The following KIAA1328 variants were observed in gnomAD, a reference collection of about 807,000 sequenced individuals.
KIAA1328 encodes protein hinderin.
Under a neutral mutation model 68.1 loss-of-function variants are expected in KIAA1328, and 52 were observed. That is an observed-to-expected ratio of 0.76 (90% CI 0.61 to 0.96). The LOEUF (loss-of-function observed/expected upper bound fraction) is 0.96, where lower values mean the gene tolerates loss of function less well. Ranked by LOEUF, KIAA1328 falls within the 40% of genes least tolerant of loss-of-function variation. The probability of loss-of-function intolerance (pLI) is 0.00; values close to 1 mark genes in which losing one functional copy is unlikely to be tolerated. For synonymous variants in KIAA1328, 232 were observed against 239.4 expected (o/e 0.97, Z 0.28); for missense variants, 641 against 677.6 (o/e 0.95, Z 0.60).
At chr18:36,915,294 G>A (rs1439274009) in intron 5 of KIAA1328, among the ~76,000 whole-genome samples, 1 of 152,042 alleles carries the variant, frequency 6.6e-6, no homozygotes, top group Non-Finnish European at 1.5e-5. Flanking sequence ...AATATTTTCT[G>A]ATATGAAACC....
chr18:37,005,142 G>A (rs746100392), intron 6 of KIAA1328, among the ~76,000 whole-genome samples: 1 of 151,958 alleles, frequency 6.6e-6, no homozygotes, highest in Non-Finnish European at 1.5e-5. Context: ...AGTGTATACT[G>A]TTTGGGTGAT....
chr18:37,174,003 G>A (rs1350584284), intron 9 of KIAA1328, among the ~76,000 whole-genome samples: 1 of 152,110 alleles, frequency 6.6e-6, no homozygotes, highest in Non-Finnish European at 1.5e-5. Flanking sequence ...AGAAAGGTAA[G>A]CATCTTAAAG....
intron 9 of KIAA1328, among the ~76,000 whole-genome samples, chr18:37,191,390 C>T (rs914860585): frequency 6.6e-6 from 1 of 152,188 alleles, no homozygotes. Context: ...CATGTGCCTG[C>T]ACTAATTCTT....
intron 9 of KIAA1328, among the ~76,000 whole-genome samples, chr18:37,203,004 G>C (rs955999368): frequency 2.7e-5 from 4 of 149,896 alleles, no homozygotes; most frequent in Admixed American, 2.0e-4. Context: ...CAATCAAAGA[G>C]ACCTAATAAA....
intron 6 of KIAA1328, among the ~76,000 whole-genome samples, chr18:36,967,662 G>T (rs1018926646): frequency 6.6e-6 from 1 of 152,170 alleles, no homozygotes; most frequent in African/African-American, 2.4e-5. Context: ...ACTCCTAGCA[G>T]ATCTTCAGAA....
At chr18:37,031,841 G>A (rs2054841047) in intron 6 of KIAA1328, among the ~76,000 whole-genome samples, 1 of 151,614 alleles carries the variant, frequency 6.6e-6, no homozygotes, top group African/African-American at 2.4e-5. Flanking sequence ...TTTTTTAGTG[G>A]TTTTTCCAGG....
chr18:36,945,137 T>C (rs2050853972), intron 5 of KIAA1328, among the ~76,000 whole-genome samples: 1 of 152,162 alleles, frequency 6.6e-6, no homozygotes, highest in African/African-American at 2.4e-5. Flanking sequence ...ATTAAAATAG[T>C]AAAGTAAAAC....
At chr18:37,199,163 A>G (rs567368884) in intron 9 of KIAA1328, among the ~76,000 whole-genome samples, 1 of 152,324 alleles carries the variant, frequency 6.6e-6, no homozygotes, top group South Asian at 2.1e-4. Context: ...AACGTGTGTC[A>G]TGGGGGTTTA....
At chr18:37,169,197 G>T (rs1230548225) in intron 8 of KIAA1328, among the ~76,000 whole-genome samples, 27 of 149,450 alleles carry the variant, frequency 1.8e-4, no homozygotes, top group African/African-American at 5.9e-4. Context: ...ACAGAGTCTG[G>T]CACTGTCGCC....
At chr18:37,194,279 A>G (rs192504409) in intron 9 of KIAA1328, among the ~76,000 whole-genome samples, 1 of 152,328 alleles carries the variant, frequency 6.6e-6, no homozygotes, top group East Asian at 1.9e-4. Flanking sequence ...GTAATCAAAA[A>G]GTTTGGTACT....
chr18:36,898,379 G>A (rs2048930442), intron 5 of KIAA1328, among the ~76,000 whole-genome samples: 1 of 151,888 alleles, frequency 6.6e-6, no homozygotes, highest in African/African-American at 2.4e-5. Context: ...AAGGATGTTT[G>A]TTGCTAAAAA....
At chr18:36,958,459 C>T (rs961732863) in intron 5 of KIAA1328, among the ~76,000 whole-genome samples, 2 of 152,156 alleles carry the variant, frequency 1.3e-5, no homozygotes, top group African/African-American at 4.8e-5. Flanking sequence ...CTTATGTTCC[C>T]ATTAGTTACG....
At chr18:36,914,443 C>T (rs962559919) in intron 5 of KIAA1328, among the ~76,000 whole-genome samples, 6 of 152,222 alleles carry the variant, frequency 3.9e-5, no homozygotes, top group Middle Eastern at 3.4e-3. Context: ...GATCCAGGGC[C>T]GGGCGTGGTG....
intron 7 of KIAA1328, among the ~76,000 whole-genome samples, chr18:37,100,319 C>T (rs999262549): frequency 2.0e-5 from 3 of 152,222 alleles, no homozygotes; most frequent in Admixed American, 2.0e-4. Context: ...GTCACTCCCA[C>T]CCTAATACTG....
intron 9 of KIAA1328, among the ~76,000 whole-genome samples, chr18:37,198,902 A>G (rs886898047): frequency 4.6e-5 from 7 of 152,292 alleles, no homozygotes; most frequent in Middle Eastern, 3.4e-3. Flanking sequence ...TAATACACAC[A>G]CATAAGATTG....
At chr18:37,135,553 AC>A (rs1018810782) in intron 7 of KIAA1328, among the ~76,000 whole-genome samples, 2 of 151,876 alleles carry the variant, frequency 1.3e-5, no homozygotes, top group Non-Finnish European at 2.9e-5. Flanking sequence ...TGCTTGTTTA[AC>A]TGTTTTAGCT....
In KIAA1328 at chr18:37,041,695, C is replaced by T. The variant is rs190058868; in HGVS notation, c.577-25195C>T. 4.7e-5 allele frequency among the ~76,000 whole-genome samples: 7 copies of T among 149,168 alleles called. No homozygotes were observed. In the East Asian group the frequency reaches 1.4e-3, roughly 29 times the overall value. On this transcript the variant is annotated intron_variant, in intron 6 of 9. Coordinates refer to ENST00000280020, the MANE Select transcript of KIAA1328 (RefSeq NM_020776.3). Reference sequence around the variant, plus strand: ...GTGTGTGTATACACATTTTGTATAACATTTAAATTCCTTTACTGTTTTTTG... The same window carrying T: ...GTGTGTGTATACACATTTTGTATAATATTTAAATTCCTTTACTGTTTTTTG...
intron 1 of KIAA1328, among the ~76,000 whole-genome samples, chr18:36,833,622 CAGAG>C (rs1197163897): frequency 6.6e-6 from 1 of 152,122 alleles, no homozygotes; most frequent in Non-Finnish European, 1.5e-5. Context: ...ACAGAAGTGA[CAGAG>C]AGCAGTTAGG....
chr18:37,204,452 A>G (rs2060178107), intron 9 of KIAA1328, among the ~76,000 whole-genome samples: 2 of 152,206 alleles, frequency 1.3e-5, no homozygotes, highest in Non-Finnish European at 2.9e-5. Flanking sequence ...GTACACAGGT[A>G]TACATAAAAA....
Sources: gnomAD v4.1 joint callset for allele counts (sites outside exome capture counted in the v4.1 genomes callset) on GRCh38, gnomAD v4.1.1 for gene constraint, MANE v1.5 for transcripts, NCBI Gene and HGNC (gene_info 2026-07-23, HGNC 2026-07-21) for gene names.